CMC2: variants seen among roughly 807,000 people sequenced by gnomAD.
CMC2 encodes COX assembly mitochondrial protein 2 homolog.
A neutral mutation model predicts 7.5 loss-of-function variants in CMC2; 5 were observed. The observed-to-expected ratio is 0.66, with a 90% CI of 0.35 to 1.40. CMC2 has a LOEUF of 1.40. CMC2 is among the 40% of genes most tolerant of loss of function. The pLI is 0.04. For synonymous variants in CMC2, 37 were observed against 31.4 expected, an observed-to-expected ratio of 1.18 and a Z score of -0.60; for missense variants, 115 against 92.3, an observed-to-expected ratio of 1.25 and a Z score of -1.01.
At chr16:81,004,630 G>C (rs1184451924) in intron 1 of CMC2, among the ~76,000 whole-genome samples, 2 of 152,232 alleles carry the variant, frequency 1.3e-5, no homozygotes, top group East Asian at 1.9e-4. Flanking sequence ...TGTTTTGATA[G>C]CTAGCTAAGG....
In CMC2 at chr16:80,970,791, T is replaced by A. The variant is rs1911859628; in HGVS notation, c.*5302A>T. Reference sequence around the variant, plus strand: ...ATGTATCAGTAATAGGAAATTAGAATAAATTGGATGCAGGGGCTCATGCCT... The same window carrying A: ...ATGTATCAGTAATAGGAAATTAGAAAAAATTGGATGCAGGGGCTCATGCCT... On this transcript the variant is annotated 3_prime_UTR_variant, in exon 4 of 4. Transcript: ENST00000219400. 1.3e-5 allele frequency: 2 copies of A among 152,176 alleles called. No homozygotes were observed. The highest frequency in any genetic ancestry group is 4.8e-5 in the African/African-American group (2 of 41,438). 9.4% of individuals were successfully genotyped at this position (152,176 alleles called of 1,614,324 possible).
Position 80,968,084 on chromosome 16 carries a change from T to C in CMC2, c.*8009A>G, listed in dbSNP as rs923747279. 1 of 152,194 alleles carries C rather than the reference T, an allele frequency of 6.6e-6. No individual in the cohort carries two copies. Among genetic ancestry groups the C allele is most frequent in the African/African-American group, 2.4e-5 (1 of 41,452 alleles). 9.4% of individuals were successfully genotyped at this position (152,194 alleles called of 1,614,324 possible). A position where few individuals can be genotyped will look rare whatever the true frequency, so the allele number is the denominator to read the frequency against. On this transcript the variant is annotated 3_prime_UTR_variant, in exon 4 of 4. Transcript: ENST00000219400. ...ATGAAGGTCATTAACCCTAAAGAAG[T>C]AGGCATTTTATGGAAGGCAGTTACA...
At chr16:80,999,949 A>C (rs1968734397) in intron 1 of CMC2, among the ~76,000 whole-genome samples, 1 of 152,214 alleles carries the variant, frequency 6.6e-6, no homozygotes, top group South Asian at 2.1e-4. Context: ...TAAGAATCCT[A>C]GAAGAAAACC....
chr16:80,976,040 A>C lies in CMC2; in HGVS notation c.*53T>G. 2.0e-6 allele frequency: 2 copies of C among 993,914 alleles called. No homozygotes were observed. The highest frequency in any genetic ancestry group is 3.2e-6 in the Non-Finnish European group (2 of 620,966). The allele number at this position is 993,914 out of a possible 1,614,324, so 61.6% of individuals were successfully genotyped here. A position where few individuals can be genotyped will look rare whatever the true frequency, so the allele number is the denominator to read the frequency against. On this transcript the variant is annotated 3_prime_UTR_variant, in exon 4 of 4. Coordinates refer to ENST00000219400, the MANE Select transcript of CMC2 (RefSeq NM_020188.5). ...ATAAGACAGGATTCTTTCAGGTATC[A>C]ACCCAGAGTCTTTAGGTCTTCTCTC...
chr16:80,971,043 G>A lies in CMC2; in HGVS notation c.*5050C>T, dbSNP rs1339659359. ...CCAGCCACTCAGGAGGCTAAGGCACGAGAATTGCTTGAAGCCAGGAGGTGG... is the reference window on the plus strand; with the variant it reads ...CCAGCCACTCAGGAGGCTAAGGCACAAGAATTGCTTGAAGCCAGGAGGTGG... On this transcript the variant is annotated 3_prime_UTR_variant, in exon 4 of 4. Coordinates refer to ENST00000219400, the MANE Select transcript of CMC2 (RefSeq NM_020188.5). 6.6e-6 allele frequency: 1 copy of A among 152,268 alleles called. No individual in the cohort carries two copies. The highest frequency in any genetic ancestry group is 6.5e-5 in the Admixed American group (1 of 15,280). The allele number at this position is 152,268 out of a possible 1,614,324, so 9.4% of individuals were successfully genotyped here. A position where few individuals can be genotyped will look rare whatever the true frequency, so the allele number is the denominator to read the frequency against.
rs367843266 is a variant in CMC2 at position 80,981,423 on chromosome 16, C to G, written c.153+383G>C. Among the ~76,000 whole-genome samples, 6 of 151,920 alleles carry G rather than the reference C, an allele frequency of 3.9e-5. No homozygotes were observed. The South Asian group carries it at 6.3e-4, about 16-fold the overall frequency. On this transcript the variant is annotated intron_variant, in intron 3 of 3. Transcript: ENST00000219400. ...TGTTAAAGCTGAAAACAGCCTAATT[C>G]TAGCCTCCTCAATTTATATATAGAA...
At chr16:80,981,979 CTT>C in intron 2 of CMC2, 102 bp from the exon 3 acceptor site, 5 of 647,682 alleles carry the variant, frequency 7.7e-6, no homozygotes, top group Non-Finnish European at 1.3e-5. Flanking sequence ...TACAGTGTCA[CTT>C]TGTTAATAAA....
At chr16:80,982,514 GAAAAAA>G (rs758135840) in intron 2 of CMC2, 1 of 39,788 alleles carries the variant, frequency 2.5e-5, no homozygotes, top group Non-Finnish European at 4.7e-5. Flanking sequence ...TCCGTCTCAG[GAAAAAA>G]AAAAAAAAAA....
At chr16:81,002,105 T>C (rs373195733) in intron 1 of CMC2, among the ~76,000 whole-genome samples, 1 of 152,242 alleles carries the variant, frequency 6.6e-6, no homozygotes, top group African/African-American at 2.4e-5. Context: ...TTCTGGTTTC[T>C]GCCTTATTTT....
intron 3 of CMC2, among the ~76,000 whole-genome samples, chr16:80,981,289 A>G (rs895311518): frequency 3.9e-5 from 6 of 152,218 alleles, no homozygotes; most frequent in African/African-American, 1.4e-4. Context: ...CTATTTGCCC[A>G]AGTCCAAGTT....
chr16:80,980,864 G>A, intron 3 of CMC2: 4 of 699,488 alleles, frequency 5.7e-6, no homozygotes, highest in Non-Finnish European at 1.0e-5. Flanking sequence ...TCCAGCTTAG[G>A]TGACAGAGCA....
intron 3 of CMC2, among the ~76,000 whole-genome samples, chr16:80,978,796 T>C (rs945209489): frequency 2.0e-5 from 3 of 151,900 alleles, no homozygotes; most frequent in Non-Finnish European, 2.9e-5. Flanking sequence ...AAAAGCTTCA[T>C]GGAGGCTGGG....
At chr16:80,979,589 G>A (rs1272239876) in intron 3 of CMC2, among the ~76,000 whole-genome samples, 2 of 151,656 alleles carry the variant, frequency 1.3e-5, no homozygotes, top group Non-Finnish European at 2.9e-5. Context: ...TTTTCCATAA[G>A]CTATTTATTT....
intron 2 of CMC2, among the ~76,000 whole-genome samples, chr16:80,986,594 A>G (rs1409229361): frequency 6.6e-6 from 1 of 152,248 alleles, no homozygotes; most frequent in Non-Finnish European, 1.5e-5. Flanking sequence ...GGTGGCCCCA[A>G]TAAAAGTGTT....
chr16:80,966,992 T>C lies in CMC2; in HGVS notation c.*9101A>G, dbSNP rs1056484618. On this transcript the variant is annotated 3_prime_UTR_variant, in exon 4 of 4. Coordinates refer to ENST00000219400, the MANE Select transcript of CMC2 (RefSeq NM_020188.5). ...TCAAGTGATCTACAGAAAAAGAAAA[T>C]GTAAATTTTAAAGTCCTTTGGGCTA... is the stretch of plus-strand genomic sequence containing the variant. 2.0e-5 allele frequency: 3 copies of C among 152,150 alleles called. No homozygotes were observed. The highest frequency in any genetic ancestry group is 7.2e-5 in the African/African-American group (3 of 41,442). 9.4% of individuals were successfully genotyped at this position (152,150 alleles called of 1,614,324 possible).
At chr16:81,004,990 G>T (rs910364283) in intron 1 of CMC2, among the ~76,000 whole-genome samples, 1 of 152,106 alleles carries the variant, frequency 6.6e-6, no homozygotes, top group East Asian at 1.9e-4. Flanking sequence ...CCTATTGTGC[G>T]GCTGCACAGG....
chr16:80,971,569 T>TGTATGAAATCATGC lies in CMC2; in HGVS notation c.*4523_*4524insGCATGATTTCATAC. 1 of 139,578 alleles carries TGTATGAAATCATGC rather than the reference T, an allele frequency of 7.2e-6. No individual in the cohort carries two copies. The highest frequency in any genetic ancestry group is 1.5e-5 in the Non-Finnish European group (1 of 66,764). The allele number at this position is 139,578 out of a possible 1,614,324, so 8.6% of individuals were successfully genotyped here. A position where few individuals can be genotyped will look rare whatever the true frequency, so the allele number is the denominator to read the frequency against. ...GATACTGACATACATACATTTTATA[T>TGTATGAAATCATGC]ATATATATATATATATGTATGAAAT... On this transcript the variant is annotated 3_prime_UTR_variant, in exon 4 of 4. Transcript: ENST00000219400.
In CMC2 at chr16:80,969,822, A is replaced by AG. The variant is rs35931876; in HGVS notation, c.*6270_*6271insC. On this transcript the variant is annotated 3_prime_UTR_variant, in exon 4 of 4. Transcript: ENST00000219400. ...CAAGAATCACTTGAACCCAGGCAGCAAGGTTGCAGGGAGCCAAGATCACAC... is the reference window on the plus strand; with the variant it reads ...CAAGAATCACTTGAACCCAGGCAGCAGAGGTTGCAGGGAGCCAAGATCACAC... 43,442 of 152,068 alleles carry AG rather than the reference A, an allele frequency of 0.29. 8,473 individuals are homozygous for AG. Among genetic ancestry groups the AG allele is most frequent in the African/African-American group, 0.56 (23,317 of 41,398 alleles). 9.4% of individuals were successfully genotyped at this position (152,068 alleles called of 1,614,324 possible). A position where few individuals can be genotyped will look rare whatever the true frequency, so the allele number is the denominator to read the frequency against.
intron 1 of CMC2, among the ~76,000 whole-genome samples, chr16:81,004,214 C>T (rs960044251): frequency 1.6e-5 from 2 of 127,694 alleles, no homozygotes; most frequent in East Asian, 2.2e-4. Flanking sequence ...AAGAGTGAGA[C>T]TCCATCTCAA....
Sources: allele counts gnomAD v4.1 joint callset (sites outside exome capture counted in the v4.1 genomes callset), GRCh38; gene constraint gnomAD v4.1.1; transcripts MANE v1.5; gene names NCBI Gene and HGNC (gene_info 2026-07-23, HGNC 2026-07-21).